The following TTLL11 variants were observed in gnomAD, a reference collection of about 807,000 sequenced individuals.
TTLL11 encodes tubulin polyglutamylase TTLL11.
A neutral mutation model predicts 51.7 loss-of-function variants in TTLL11; 42 were observed. The ratio of observed to expected loss-of-function variants is 0.81; its 90% CI spans 0.64 to 1.05. The LOEUF (loss-of-function observed/expected upper bound fraction) is 1.05, where lower values mean the gene tolerates loss of function less well. Among genes scored for constraint, TTLL11 ranks in the 50% least tolerant of loss-of-function variants. TTLL11 has a pLI of 0.00. For synonymous variants in TTLL11, 381 were observed against 383.5 expected (o/e 0.99, Z 0.08); for missense variants, 799 against 940.4 (o/e 0.85, Z 1.97).
chr9:121,958,980 AG>A (rs67158066), intron 6 of TTLL11, among the ~76,000 whole-genome samples: 124,713 of 151,380 alleles, frequency 0.82, 52,791 homozygotes, highest in Non-Finnish European at 0.93. Flanking sequence ...CCACTTTACA[AG>A]GGGGGGGGTC....
chr9:121,867,369 G>A (rs1838209664), intron 7 of TTLL11, among the ~76,000 whole-genome samples: 1 of 152,106 alleles, frequency 6.6e-6, no homozygotes, highest in African/African-American at 2.4e-5. Flanking sequence ...GCCACAGCCA[G>A]CCTTCCCTCC....
intron 6 of TTLL11, among the ~76,000 whole-genome samples, chr9:121,923,974 T>C (rs959107404): frequency 6.6e-6 from 1 of 152,146 alleles, no homozygotes; most frequent in African/African-American, 2.4e-5. Flanking sequence ...CTTATGAGAC[T>C]TATTAAGGGG....
At chr9:122,075,920 A>G (rs186281228) in intron 1 of TTLL11, among the ~76,000 whole-genome samples, 81 of 152,312 alleles carry the variant, frequency 5.3e-4, no homozygotes, top group African/African-American at 1.9e-3. Flanking sequence ...CTTTAAGGAA[A>G]ACAGTCATTT....
At chr9:121,909,362 C>G (rs1840037911) in intron 6 of TTLL11, among the ~76,000 whole-genome samples, 1 of 152,096 alleles carries the variant, frequency 6.6e-6, no homozygotes, top group Non-Finnish European at 1.5e-5. Context: ...AGATTATCTA[C>G]TGGAACATCT....
At chr9:121,841,808 T>A (rs1293154585) in intron 8 of TTLL11, among the ~76,000 whole-genome samples, 1 of 152,042 alleles carries the variant, frequency 6.6e-6, no homozygotes, top group East Asian at 1.9e-4. Context: ...CTTGACCCAC[T>A]AGATGCCAGT....
At position 121,989,356 on chromosome 9, in the gene TTLL11, T is replaced by C; in HGVS notation, c.1108A>G (p.Ser370Gly). 6.2e-7 allele frequency: 1 copy of C among 1,614,200 alleles called. No individual in the cohort carries two copies. Among genetic ancestry groups the C allele is most frequent in the Non-Finnish European group, 8.5e-7 (1 of 1,180,040 alleles). ...TTGGAAGACAGTCTACAAAGGATGC[T>C]GGAAAAAGTCCTTTTGCTGCCAGTG... ...ASTGSKRTFS[S>G]ILCRLSSKGV... The change falls in exon 4 of 9, where the codon AGC becomes GGC. Residue 370 changes from serine (S) to glycine (G), a missense_variant. This residue lies in a region of TTLL11 where 468 missense variants were observed against 612.8 expected (regional missense o/e 0.76). Coordinates refer to ENST00000321582, the MANE Select transcript of TTLL11 (RefSeq NM_001139442.2). This position sits in a 1 kb window ranked among gnomAD's most constrained non-coding sequence, Gnocchi z 4.2.
At chr9:122,016,819 C>T (rs1843998506) in intron 3 of TTLL11, among the ~76,000 whole-genome samples, 1 of 152,170 alleles carries the variant, frequency 6.6e-6, no homozygotes, top group Non-Finnish European at 1.5e-5. Flanking sequence ...ATAATAAATA[C>T]TGTTTTGATA....
intron 7 of TTLL11, among the ~76,000 whole-genome samples, chr9:121,863,830 C>T (rs1838095699): frequency 6.6e-6 from 1 of 152,230 alleles, no homozygotes; most frequent in Non-Finnish European, 1.5e-5. Flanking sequence ...TGGGACGTGA[C>T]TTGCCCAACG....
intron 3 of TTLL11, among the ~76,000 whole-genome samples, chr9:122,019,200 A>C (rs1033031180): frequency 2.0e-5 from 3 of 152,128 alleles, no homozygotes; most frequent in Non-Finnish European, 4.4e-5. Flanking sequence ...TACAACCTTC[A>C]GCATCTCTTC....
chr9:121,908,555 A>AAT (rs1421867563), intron 6 of TTLL11, among the ~76,000 whole-genome samples: 1 of 152,238 alleles, frequency 6.6e-6, no homozygotes, highest in Non-Finnish European at 1.5e-5. Context: ...CTGCGCTGGG[A>AAT]ATTCATAAAA....
At chr9:122,023,701 C>T (rs1051464095) in intron 3 of TTLL11, among the ~76,000 whole-genome samples, 4 of 151,418 alleles carry the variant, frequency 2.6e-5, no homozygotes, top group African/African-American at 9.7e-5. Context: ...TCCATATGAT[C>T]ATCTCAGTAG....
intron 6 of TTLL11, among the ~76,000 whole-genome samples, chr9:121,931,075 G>A (rs1464988545): frequency 6.6e-6 from 1 of 152,310 alleles, no homozygotes; most frequent in South Asian, 2.1e-4. Context: ...ACATGGCAAG[G>A]TTCAAAGACC....
chr9:121,906,445 T>C (rs1277201249), intron 6 of TTLL11, among the ~76,000 whole-genome samples: 1 of 152,202 alleles, frequency 6.6e-6, no homozygotes, highest in Non-Finnish European at 1.5e-5. Flanking sequence ...CAGTGCCTCA[T>C]TTAACACTTG....
intron 6 of TTLL11, among the ~76,000 whole-genome samples, chr9:121,899,395 A>ATATATATATATATG (rs1839683816): frequency 7.8e-6 from 1 of 127,626 alleles, no homozygotes; most frequent in African/African-American, 2.7e-5. Flanking sequence ...ATATATATAT[A>ATATATATATATATG]TATATATACA....
chr9:122,000,816 C>T (rs918741705), intron 3 of TTLL11, among the ~76,000 whole-genome samples: 4 of 152,186 alleles, frequency 2.6e-5, no homozygotes, highest in East Asian at 1.9e-4. Context: ...ACTTTACGGA[C>T]TTGCCCTGAA....
chr9:121,832,639 C>T (rs1022999558), intron 8 of TTLL11, among the ~76,000 whole-genome samples: 5 of 152,142 alleles, frequency 3.3e-5, no homozygotes, highest in African/African-American at 4.8e-5. Context: ...ACTGCTGCTT[C>T]GAGAGTTTTC....
At chr9:121,875,744 A>G (rs1421795810) in intron 6 of TTLL11, among the ~76,000 whole-genome samples, 1 of 152,230 alleles carries the variant, frequency 6.6e-6, no homozygotes, top group Non-Finnish European at 1.5e-5. Flanking sequence ...CGGGCTTATG[A>G]AATAAAAGTG....
At position 121,826,572 on chromosome 9, in the gene TTLL11, T is replaced by C. The variant is rs1192539980; in HGVS notation, c.1841-3693A>G. Among the ~76,000 whole-genome samples, 20 of 126,896 alleles carry C rather than the reference T, an allele frequency of 1.6e-4. 2 individuals carry two copies. The highest frequency in any genetic ancestry group is 4.8e-4 in the African/African-American group (16 of 33,418). 83.2% of individuals were successfully genotyped at this position (126,896 alleles called of 152,430 possible). On this transcript the variant is annotated intron_variant, in intron 8 of 8. Transcript: ENST00000321582. ...ATATGTGTGTGTATATATATATATATATATATATATGTATATGGTTTTATA... is the reference window on the plus strand; with the variant it reads ...ATATGTGTGTGTATATATATATATACATATATATATGTATATGGTTTTATA...
chr9:121,946,658 C>T (rs1395320547), intron 6 of TTLL11, among the ~76,000 whole-genome samples: 1 of 152,214 alleles, frequency 6.6e-6, no homozygotes. Context: ...GGCATGCTCA[C>T]TACCCACAAG....
Sources: allele counts gnomAD v4.1 joint callset (sites outside exome capture counted in the v4.1 genomes callset), GRCh38; gene constraint gnomAD v4.1.1; regional missense constraint gnomAD v4.1.1; non-coding constraint Gnocchi (gnomAD v3.1); transcripts MANE v1.5; gene names NCBI Gene and HGNC (gene_info 2026-07-23, HGNC 2026-07-21).